The following EGFL6 variants were observed in gnomAD, a reference collection of about 807,000 sequenced individuals.
EGFL6 encodes epidermal growth factor-like protein 6.
Under a neutral mutation model 43.1 loss-of-function variants are expected in EGFL6, and 42 were observed. That is an observed-to-expected ratio of 0.98 (90% CI 0.76 to 1.26). The LOEUF is 1.26. Among genes scored for constraint, EGFL6 ranks in the 50% most tolerant of loss-of-function variants. The probability of loss-of-function intolerance (pLI) is 0.00; values close to 1 mark genes in which losing one functional copy is unlikely to be tolerated. For synonymous variants in EGFL6, 164 were observed against 163.2 expected (o/e 1.01, Z -0.04); for missense variants, 429 against 427.8 (o/e 1.00, Z -0.02).
intron 1 of EGFL6, among the ~76,000 whole-genome samples, chrX:13,584,192 G>C (rs959141652): frequency 8.9e-6 from 1 of 111,788 alleles, no homozygotes; most frequent in East Asian, 2.8e-4. Flanking sequence ...AGTAGAGCCA[G>C]AATTCAAACC....
chrX:13,595,628 C>T (rs538456148), intron 3 of EGFL6, among the ~76,000 whole-genome samples: 2 of 111,988 alleles, frequency 1.8e-5, no homozygotes, highest in South Asian at 7.4e-4. Context: ...TCTGCATAGC[C>T]CTGCTTTCTT....
At chrX:13,599,016 A>G (rs2045617893) in intron 3 of EGFL6, among the ~76,000 whole-genome samples, 1 of 107,256 alleles carries the variant, frequency 9.3e-6, no homozygotes, top group Non-Finnish European at 1.9e-5. Flanking sequence ...TTAGGATTAA[A>G]TATTGTCCTC....
chrX:13,594,800 G>T (rs375680499), intron 2 of EGFL6, 36 bp from the exon 3 acceptor site: 1 of 1,179,400 alleles, frequency 8.5e-7, no homozygotes, highest in African/African-American at 1.8e-5. Context: ...ACTAACTACT[G>T]TTCTTTTATC....
intron 1 of EGFL6, among the ~76,000 whole-genome samples, chrX:13,581,180 C>T (rs2045503563): frequency 8.9e-6 from 1 of 112,018 alleles, no homozygotes; most frequent in Admixed American, 9.5e-5. Context: ...CAACTTTTGC[C>T]TGAAGTTTAC....
intron 4 of EGFL6, among the ~76,000 whole-genome samples, 186 bp downstream of exon 4, chrX:13,600,280 C>CTTCTTTTTTTTTTTTTTTTTTTTTT (rs1326551826): frequency 2.3e-5 from 1 of 44,278 alleles, no homozygotes; most frequent in Non-Finnish European, 3.8e-5. Context: ...TTTCTTTCTT[C>CTTCTTTTTTTTTTTTTTTTTTTTTT]TTTTTTTTTT....
chrX:13,604,612 T>C (rs2045650399), intron 5 of EGFL6, among the ~76,000 whole-genome samples: 1 of 112,183 alleles, frequency 8.9e-6, no homozygotes, highest in South Asian at 3.7e-4. Context: ...AACACTTTTT[T>C]CACTTTGTGC....
chrX:13,582,340 C>T (rs1308382287), intron 1 of EGFL6, among the ~76,000 whole-genome samples: 3 of 110,531 alleles, frequency 2.7e-5, no homozygotes, highest in African/African-American at 6.6e-5. Flanking sequence ...GGATTACAGG[C>T]GTGGCCCACT....
chrX:13,616,338 G>A (rs2045717243), intron 7 of EGFL6, among the ~76,000 whole-genome samples: 1 of 111,982 alleles, frequency 8.9e-6, no homozygotes, highest in African/African-American at 3.2e-5. Context: ...GGCCAGGCAT[G>A]GTGGCTCACA....
At chrX:13,627,866 A>G (rs1484919236) in intron 11 of EGFL6, among the ~76,000 whole-genome samples, 1 of 112,095 alleles carries the variant, frequency 8.9e-6, no homozygotes, top group Non-Finnish European at 1.9e-5. Context: ...GTCTCCCAGT[A>G]GAGTCATATG....
At chrX:13,607,645 G>A (rs2045667732) in intron 6 of EGFL6, among the ~76,000 whole-genome samples, 1 of 112,309 alleles carries the variant, frequency 8.9e-6, no homozygotes, top group East Asian at 2.8e-4. Context: ...AATTCACATG[G>A]AAAGGTTCAA....
Position 13,600,063 on chromosome X carries a change from C to T in EGFL6, c.369C>T (p.Gly123=), listed in dbSNP as rs749423773. ...HGSYKCFCLS[G]HMLMPDATCV... ...GCTACAAGTGCTTTTGCCTCAGTGG[C>T]CACATGCTCATGCCAGATGCTACGT... Residue 123 remains glycine (G), a synonymous_variant, in exon 4 of 12, where the codon GGC becomes GGT. Transcript: ENST00000361306. 3.3e-5 allele frequency: 40 copies of T among 1,209,353 alleles called. No individual in the cohort carries two copies. In the East Asian group the frequency reaches 1.2e-3, roughly 35 times the overall value.
intron 2 of EGFL6, 60 bp downstream of exon 2, chrX:13,589,728 C>T: frequency 9.9e-7 from 1 of 1,006,576 alleles, no homozygotes; most frequent in Non-Finnish European, 1.4e-6. Context: ...TTTTATCTGT[C>T]ATACCATGAA....
intron 1 of EGFL6, 130 bp downstream of exon 1, chrX:13,570,065 C>T: frequency 1.5e-6 from 1 of 645,313 alleles, no homozygotes; most frequent in Admixed American, 2.8e-5. Flanking sequence ...CGCGCTGCGA[C>T]GGGATTTAAC....
chrX:13,615,370 T>C (rs2045712821), intron 7 of EGFL6, among the ~76,000 whole-genome samples: 1 of 112,379 alleles, frequency 8.9e-6, no homozygotes, highest in African/African-American at 3.2e-5. Context: ...CTTTCCTCAT[T>C]ATTTATTAAA....
At chrX:13,606,053 C>T (rs1361767427) in intron 5 of EGFL6, among the ~76,000 whole-genome samples, 1 of 112,215 alleles carries the variant, frequency 8.9e-6, no homozygotes, top group Admixed American at 9.4e-5. Context: ...ATTCACTCAG[C>T]ACACACGTAA....
rs1306330668 is a variant in EGFL6 at position 13,608,465 on chromosome X, T to C, written c.778+19T>C. 1 of 1,206,773 alleles carries C rather than the reference T, an allele frequency of 8.3e-7. No homozygotes were observed. The highest frequency in any genetic ancestry group is 1.8e-5 in the South Asian group (1 of 56,222). On this transcript the variant is annotated intron_variant, in intron 7 of 11. Transcript: ENST00000361306. ...TGTTCTGGTAAGTAGCATTTGGTCA[T>C]GGTGTCTTAGCTATTCCCAATGAAG...
chrX:13,624,826 T>C (rs1364730516), intron 10 of EGFL6, among the ~76,000 whole-genome samples: 1 of 111,727 alleles, frequency 9.0e-6, no homozygotes, highest in Non-Finnish European at 1.9e-5. Flanking sequence ...AACCTAGATA[T>C]CCCCTAACAA....
chrX:13,570,053 T>G, intron 1 of EGFL6, 118 bp downstream of exon 1: 2 of 687,385 alleles, frequency 2.9e-6, no homozygotes, highest in Non-Finnish European at 4.5e-6. Flanking sequence ...CGTGTGCCTG[T>G]GCGCGCTGCG....
At chrX:13,582,328 T>C (rs1015148229) in intron 1 of EGFL6, among the ~76,000 whole-genome samples, 5 of 110,706 alleles carry the variant, frequency 4.5e-5, no homozygotes, top group African/African-American at 1.6e-4. Flanking sequence ...CCCAAAGTGC[T>C]GGGATTACAG....
Sources: allele counts gnomAD v4.1 joint callset (sites outside exome capture counted in the v4.1 genomes callset), GRCh38; gene constraint gnomAD v4.1.1; transcripts MANE v1.5; gene names NCBI Gene and HGNC (gene_info 2026-07-23, HGNC 2026-07-21).